CSPP1: variants seen among roughly 807,000 people sequenced by gnomAD.
CSPP1 encodes the protein centrosome and spindle pole-associated protein 1.
Under a neutral mutation model 164.4 loss-of-function variants are expected in CSPP1, and 126 were observed. The ratio of observed to expected loss-of-function variants is 0.77; its 90% CI spans 0.66 to 0.89. The LOEUF (loss-of-function observed/expected upper bound fraction) is 0.89. Ranked by LOEUF, CSPP1 falls within the 40% of genes least tolerant of loss-of-function variation. CSPP1 has a pLI of 0.00. For missense variants in CSPP1, 1,395 were observed against 1,449.8 expected, an observed-to-expected ratio of 0.96 and a Z score of 0.61; for synonymous variants, 472 against 476.7, an observed-to-expected ratio of 0.99 and a Z score of 0.13.
intron 3 of CSPP1, 141 bp downstream of exon 3, chr8:67,076,722 C>G: frequency 2.0e-6 from 1 of 494,128 alleles, no homozygotes; most frequent in East Asian, 3.5e-5. Context: ...TCAATATGGT[C>G]TACATATGAA....
At position 67,175,095 on chromosome 8, in the gene CSPP1, G is replaced by T. The variant is rs2129568440; in HGVS notation, c.2969-201G>T. On this transcript the variant is annotated intron_variant, in intron 25 of 30. Coordinates refer to ENST00000678616, the MANE Select transcript of CSPP1 (RefSeq NM_001382391.1). ...CCTTATGTTGGTAAGTTTGTGAAAA[G>T]ACACTTATTAAAGAATATTAATTTC... 5.6e-6 allele frequency: 3 copies of T among 540,406 alleles called. No individual in the cohort carries two copies. In the South Asian group the frequency reaches 6.5e-5, roughly 12 times the overall value. The allele number at this position is 540,406 out of a possible 1,614,324, so 33.5% of individuals were successfully genotyped here. A position where few individuals can be genotyped will look rare whatever the true frequency, so the allele number is the denominator to read the frequency against.
At chr8:67,139,857 C>T (rs1030080021) in intron 17 of CSPP1, among the ~76,000 whole-genome samples, 4 of 151,832 alleles carry the variant, frequency 2.6e-5, no homozygotes, top group Admixed American at 6.6e-5. Flanking sequence ...GTGAGGGGAG[C>T]GGGGAGGGAT....
At chr8:67,180,897 T>C (rs958638405) in intron 28 of CSPP1, among the ~76,000 whole-genome samples, 1 of 152,206 alleles carries the variant, frequency 6.6e-6, no homozygotes, top group Non-Finnish European at 1.5e-5. Context: ...TTATGTACTC[T>C]GATCATGAGT....
intron 28 of CSPP1, among the ~76,000 whole-genome samples, chr8:67,181,685 T>TA (rs1339789219): frequency 2.0e-5 from 3 of 152,206 alleles, no homozygotes; most frequent in African/African-American, 7.2e-5. Context: ...AAAATACACA[T>TA]AAACATAACA....
At chr8:67,095,251 T>G in intron 6 of CSPP1, 42 bp from the exon 7 acceptor site, 2 of 1,316,950 alleles carry the variant, frequency 1.5e-6, no homozygotes, top group Non-Finnish European at 2.1e-6. Flanking sequence ...AGAGATAGTT[T>G]CTTGTCAAGT....
chr8:67,117,217 G>A (rs1178451758), intron 13 of CSPP1, among the ~76,000 whole-genome samples: 1 of 152,166 alleles, frequency 6.6e-6, no homozygotes, highest in East Asian at 1.9e-4. Flanking sequence ...TTTCATAACA[G>A]TTATTTGACA....
chr8:67,190,635 T>C lies in CSPP1; in HGVS notation c.3221-15T>C. ...GCAGTATTAAGACTCCTTCTGCTTT[T>C]CGGGGTCCTCTTAGGGGCTTACGGT... On this transcript the variant is annotated splice_polypyrimidine_tract_variant and intron_variant, in intron 28 of 30. Coordinates refer to ENST00000678616, the MANE Select transcript of CSPP1 (RefSeq NM_001382391.1). The C allele has an allele frequency of 6.3e-7, 1 of 1,596,382 alleles. No homozygotes were observed. Among genetic ancestry groups the C allele is most frequent in the Non-Finnish European group, 8.6e-7 (1 of 1,163,796 alleles).
intron 4 of CSPP1, among the ~76,000 whole-genome samples, chr8:67,091,490 C>T (rs1278299492): frequency 6.6e-6 from 1 of 152,170 alleles, no homozygotes; most frequent in East Asian, 1.9e-4. Flanking sequence ...AGAGTACATG[C>T]TTAGAAGACG....
chr8:67,123,644 C>G (rs1449261566), intron 15 of CSPP1, among the ~76,000 whole-genome samples: 2 of 142,654 alleles, frequency 1.4e-5, no homozygotes, highest in Non-Finnish European at 3.0e-5. Context: ...GGGTCTCATT[C>G]TCTTTCCCAA....
rs557200681 is a variant in CSPP1 at position 67,140,576 on chromosome 8, T to A, written c.1975+2973T>A. 3.9e-5 allele frequency among the ~76,000 whole-genome samples: 6 copies of A among 152,350 alleles called. No individual in the cohort carries two copies. In the South Asian group the frequency reaches 1.2e-3, roughly 32 times the overall value. On this transcript the variant is annotated intron_variant, in intron 17 of 30. Coordinates refer to ENST00000678616, the MANE Select transcript of CSPP1 (RefSeq NM_001382391.1). ...AGGTAAGTGTTTACTTGAAAATATATTAGAAAAACACTAGTTTTCCATTTA... is the reference window on the plus strand; with the variant it reads ...AGGTAAGTGTTTACTTGAAAATATAATAGAAAAACACTAGTTTTCCATTTA...
At chr8:67,147,205 C>T (rs925387263) in intron 17 of CSPP1, among the ~76,000 whole-genome samples, 3 of 152,282 alleles carry the variant, frequency 2.0e-5, no homozygotes, top group Non-Finnish European at 4.4e-5. Context: ...ATGGTTTGTG[C>T]AGGTGACTAT....
intron 7 of CSPP1, chr8:67,099,186 C>T (rs1813507898): frequency 6.6e-6 from 1 of 151,806 alleles, no homozygotes. Flanking sequence ...TTCCCTCAAT[C>T]ATATCTGATT....
chr8:67,116,109 A>G lies in CSPP1; in HGVS notation c.1483A>G (p.Met495Val). The change falls in exon 13 of 31, where the codon ATG (methionine) becomes GTG (valine). Residue 495 changes from methionine to valine, a missense_variant. Met to Val is a conservative substitution (Grantham distance 21). Transcript: ENST00000678616. ...RSGLSSALGE[M>V]VSPRIAPLPP... ...TGGACTCAGCAGCGCCCTTGGTGAA[A>G]TGGTGTCTCCCAGGTGCTTGTTTAA... 6.2e-7 allele frequency: 1 copy of G among 1,613,148 alleles called. No homozygotes were observed. Among genetic ancestry groups the G allele is most frequent in the Non-Finnish European group, 8.5e-7 (1 of 1,179,136 alleles).
chr8:67,190,159 G>A (rs978140498), intron 28 of CSPP1, among the ~76,000 whole-genome samples: 3 of 152,142 alleles, frequency 2.0e-5, no homozygotes, highest in African/African-American at 7.2e-5. Context: ...ATTCATAATT[G>A]CTAGCAGCTA....
chr8:67,192,869 A>G (rs1003801510), intron 29 of CSPP1, among the ~76,000 whole-genome samples: 1 of 152,182 alleles, frequency 6.6e-6, no homozygotes, highest in Admixed American at 6.5e-5. Context: ...TTATGTCAGT[A>G]CCACACTGTC....
At chr8:67,192,496 TTAA>T (rs1836645990) in intron 29 of CSPP1, among the ~76,000 whole-genome samples, 1 of 152,244 alleles carries the variant, frequency 6.6e-6, no homozygotes, top group African/African-American at 2.4e-5. Context: ...CTGTATCTTT[TTAA>T]CTTTCTTGAT....
chr8:67,095,394 T>G lies in CSPP1; in HGVS notation c.585T>G (p.Asp195Glu), dbSNP rs372091766. The G allele has an allele frequency of 6.2e-7, 1 of 1,612,852 alleles. No individual in the cohort carries two copies. The highest frequency in any genetic ancestry group is 8.5e-7 in the Non-Finnish European group (1 of 1,179,614). Residue 195 changes from aspartate (D) to glutamate (E), a missense_variant, in exon 7 of 31, where the codon GAT (aspartate) becomes GAG (glutamate). By Grantham distance (45) the Asp-to-Glu change is conservative. Coordinates refer to ENST00000678616, the MANE Select transcript of CSPP1 (RefSeq NM_001382391.1). Reference protein sequence around the residue: ...SCENSEGPRKDVLTPSEAYEE... With the variant: ...SCENSEGPRKEVLTPSEAYEE... ...AAAATTCAGAGGGTCCTAGAAAAGATGTCTTAACTCCTTCAGAGGCATATG... is the reference window on the plus strand; with the variant it reads ...AAAATTCAGAGGGTCCTAGAAAAGAGGTCTTAACTCCTTCAGAGGCATATG...
chr8:67,090,943 A>G (rs1438454659), intron 4 of CSPP1, among the ~76,000 whole-genome samples: 1 of 152,234 alleles, frequency 6.6e-6, no homozygotes, highest in Admixed American at 6.5e-5. Flanking sequence ...AGTGAAGTAA[A>G]TTATTCCAAA....
intron 25 of CSPP1, chr8:67,174,679 G>A (rs1056322431): frequency 2.0e-5 from 3 of 152,428 alleles, no homozygotes; most frequent in African/African-American, 7.3e-5. Context: ...GCAGGAGAAT[G>A]GCATGAACCC....
Sources: gnomAD v4.1 joint callset for allele counts (sites outside exome capture counted in the v4.1 genomes callset) on GRCh38, gnomAD v4.1.1 for gene constraint, MANE v1.5 for transcripts, NCBI Gene and HGNC (gene_info 2026-07-23, HGNC 2026-07-21) for gene names.